Variants in DNAJC7 observed in about 807,000 individuals in gnomAD.
DNAJC7 encodes the protein dnaJ homolog subfamily C member 7.
A neutral mutation model predicts 67.4 loss-of-function variants in DNAJC7; 18 were observed. That is an observed-to-expected ratio of 0.27 (90% CI 0.18 to 0.40). The LOEUF (loss-of-function observed/expected upper bound fraction) is 0.40, where lower values mean the gene tolerates loss of function less well. Ranked by LOEUF, DNAJC7 falls within the 10% of genes least tolerant of loss-of-function variation. The pLI is 1.00. For synonymous variants in DNAJC7, 220 were observed against 207.8 expected, an observed-to-expected ratio of 1.06 and a Z score of -0.50; for missense variants, 419 against 613.8, an observed-to-expected ratio of 0.68 and a Z score of 3.35.
chr17:41,982,469 C>G lies in DNAJC7; in HGVS notation c.1085-68G>C, dbSNP rs1239931905. ...GTTTTTTCCTCACCAGGTCTCAGCC[C>G]AGCTGCCTGGGAGTTAGAGGCCTTG... On this transcript the variant is annotated intron_variant, in intron 10 of 13. Transcript: ENST00000457167. The G allele has an allele frequency of 4.4e-6, 7 of 1,579,466 alleles. No individual in the cohort carries two copies. In the East Asian group the frequency reaches 1.6e-4, roughly 35 times the overall value.
intron 1 of DNAJC7, chr17:42,003,591 G>C (rs879967640): frequency 6.6e-6 from 1 of 152,192 alleles, no homozygotes; most frequent in African/African-American, 2.4e-5. Flanking sequence ...GTTAACACTG[G>C]AATTGAAGGC....
intron 2 of DNAJC7, among the ~76,000 whole-genome samples, chr17:41,998,820 T>A (rs12948970): frequency 0.35 from 52,899 of 152,030 alleles, 11,310 homozygotes; most frequent in South Asian, 0.53. Flanking sequence ...TTAGGTGGGT[T>A]TTGCCATAAC....
At chr17:42,017,039 C>T in intron 1 of DNAJC7, 1 of 1,339,636 alleles carries the variant, frequency 7.5e-7, no homozygotes. Flanking sequence ...GCTTCCCCCA[C>T]CTCGCACCAG....
intron 9 of DNAJC7, among the ~76,000 whole-genome samples, chr17:41,987,062 C>T (rs78071022): frequency 0.078 from 11,907 of 152,096 alleles, 689 homozygotes; most frequent in African/African-American, 0.17. Flanking sequence ...AATCTGAAAT[C>T]AGAAGAGATG....
intron 1 of DNAJC7, chr17:42,015,697 A>C (rs551462520): frequency 6.6e-6 from 1 of 151,516 alleles, no homozygotes; most frequent in African/African-American, 2.4e-5. Context: ...ACAAAAAAAA[A>C]ACAACAATTA....
At chr17:41,989,992 G>C (rs1223262538) in intron 6 of DNAJC7, among the ~76,000 whole-genome samples, 1 of 152,254 alleles carries the variant, frequency 6.6e-6, no homozygotes, top group African/African-American at 2.4e-5. Flanking sequence ...AACCAGTGGA[G>C]TAGAAGGAAA....
chr17:41,994,907 A>G lies in DNAJC7; in HGVS notation c.443T>C (p.Ile148Thr). ...TCGCTTCTCAAAATCTGTTTCTGCT[A>G]TTTTCTCATATTCCATGACTGCATT... is the stretch of plus-strand genomic sequence containing the variant. ...NANAVMEYEK[I>T]AETDFEKRDF... The change falls in exon 5 of 14, where the codon ATA becomes ACA. Residue 148 changes from isoleucine (I) to threonine (T), a missense_variant. This residue lies in a region of DNAJC7 where 179 missense variants were observed against 249.7 expected (regional missense o/e 0.72). Transcript: ENST00000457167. The G allele has an allele frequency of 1.2e-5, 19 of 1,613,906 alleles. No individual in the cohort carries two copies. The highest frequency in any genetic ancestry group is 1.5e-5 in the Non-Finnish European group (18 of 1,179,884).
intron 5 of DNAJC7, among the ~76,000 whole-genome samples, chr17:41,994,665 T>C (rs548982086): frequency 2.0e-4 from 30 of 152,290 alleles, no homozygotes; most frequent in African/African-American, 7.0e-4. Context: ...CATTTTACCT[T>C]TTATCATAGG....
intron 1 of DNAJC7, among the ~76,000 whole-genome samples, chr17:42,002,809 A>G (rs1482519939): frequency 6.6e-6 from 1 of 152,216 alleles, no homozygotes; most frequent in Non-Finnish European, 1.5e-5. Context: ...GACATGGACA[A>G]TACATATAAA....
intron 12 of DNAJC7, 117 bp downstream of exon 12, chr17:41,981,738 T>G (rs1280910930): frequency 8.6e-6 from 12 of 1,394,376 alleles, no homozygotes; most frequent in Admixed American, 2.1e-5. Flanking sequence ...TGTCTATTAC[T>G]GTTTGGACCA....
rs57155070 is a variant in DNAJC7, at chr17:42,006,796, C to CAAAAAAAAAAAAAAAAAAAA, written c.78-6246_78-6227dup. On this transcript the variant is annotated intron_variant, in intron 1 of 13. Transcript: ENST00000457167. The stretch of plus-strand genomic sequence containing the variant: ...TGGGCAACAGAGCAAGACTCCGTCT[C>CAAAAAAAAAAAAAAAAAAAA]AAAAAAAAAAAAAAAAAAAAAAGTC... Among the ~76,000 whole-genome samples, 2 of 23,334 alleles carry CAAAAAAAAAAAAAAAAAAAA rather than the reference C, an allele frequency of 8.6e-5. 1 individual carries two copies. Among genetic ancestry groups the CAAAAAAAAAAAAAAAAAAAA allele is most frequent in the African/African-American group, 4.2e-4 (2 of 4,794 alleles). 15.3% of individuals were successfully genotyped at this position (23,334 alleles called of 152,430 possible).
At chr17:41,999,420 C>G (rs2051747589) in intron 2 of DNAJC7, among the ~76,000 whole-genome samples, 1 of 152,158 alleles carries the variant, frequency 6.6e-6, no homozygotes, top group African/African-American at 2.4e-5. Context: ...CCACGCCTGG[C>G]CTTCATGAGA....
At chr17:41,983,670 G>T in intron 9 of DNAJC7, 34 bp from the exon 10 acceptor site, 1 of 1,568,588 alleles carries the variant, frequency 6.4e-7, no homozygotes, top group South Asian at 1.2e-5. Flanking sequence ...ACAGCACTAA[G>T]ACATAAATAG....
intron 1 of DNAJC7, among the ~76,000 whole-genome samples, chr17:42,001,740 A>G (rs1555649507): frequency 6.6e-6 from 1 of 152,178 alleles, no homozygotes; most frequent in African/African-American, 2.4e-5. Flanking sequence ...GAGTCTACGG[A>G]TATCTGCATT....
chr17:42,012,564 G>A (rs2052149449), intron 1 of DNAJC7, among the ~76,000 whole-genome samples: 1 of 152,184 alleles, frequency 6.6e-6, no homozygotes. Flanking sequence ...CCCAGCCCAG[G>A]AGATATAACA....
chr17:42,012,901 ATACT>A (rs2052157535), intron 1 of DNAJC7: 1 of 152,156 alleles, frequency 6.6e-6, no homozygotes, highest in South Asian at 2.1e-4. Context: ...AGCTCAGGTG[ATACT>A]TACACCTCAG....
intron 1 of DNAJC7, chr17:42,016,935 G>A: frequency 8.7e-7 from 1 of 1,144,172 alleles, no homozygotes; most frequent in Middle Eastern, 4.0e-4. Flanking sequence ...AGGTTTTGGA[G>A]ACGGAAAGTG....
At chr17:41,978,139 G>C (rs2051141147) in intron 12 of DNAJC7, among the ~76,000 whole-genome samples, 1 of 152,174 alleles carries the variant, frequency 6.6e-6, no homozygotes, top group African/African-American at 2.4e-5. Context: ...GAAAGCAGCA[G>C]AACTGGAAAA....
intron 6 of DNAJC7, among the ~76,000 whole-genome samples, chr17:41,990,045 C>T (rs1438802488): frequency 6.6e-6 from 1 of 152,220 alleles, no homozygotes; most frequent in Non-Finnish European, 1.5e-5. Context: ...AAAACACAAT[C>T]TGTTCTTTCA....
Sources: gnomAD v4.1 joint callset for allele counts (sites outside exome capture counted in the v4.1 genomes callset) on GRCh38, gnomAD v4.1.1 for gene constraint, gnomAD v4.1.1 regional missense constraint, MANE v1.5 for transcripts, NCBI Gene and HGNC (gene_info 2026-07-23, HGNC 2026-07-21) for gene names.